Variants in GPATCH2 observed in about 807,000 individuals in gnomAD.
GPATCH2 encodes the protein G-patch domain containing 2, also known as G patch domain-containing protein 2.
A neutral mutation model predicts 58.0 loss-of-function variants in GPATCH2; 51 were observed. The observed-to-expected ratio is 0.88, with a 90% CI of 0.70 to 1.11. The LOEUF (loss-of-function observed/expected upper bound fraction) is 1.11, where lower values mean the gene tolerates loss of function less well. Among genes scored for constraint, GPATCH2 ranks in the 50% most tolerant of loss-of-function variants. The pLI is 0.00. For missense variants in GPATCH2, 625 were observed against 652.2 expected, an observed-to-expected ratio of 0.96 and a Z score of 0.45; for synonymous variants, 222 against 218.5, an observed-to-expected ratio of 1.02 and a Z score of -0.14.
At position 217,585,587 on chromosome 1, in the gene GPATCH2, T is replaced by C. The variant is rs1667300763; in HGVS notation, c.1098+24734A>G. Among the ~76,000 whole-genome samples, 6 of 152,230 alleles carry C rather than the reference T, an allele frequency of 3.9e-5. No individual in the cohort carries two copies. The South Asian group carries it at 1.2e-3, about 32-fold the overall frequency. ...GTTAGCCGAGATCACGCCACTGCACTCCAGCCTGGTGACAGAGCAAGAGTC... is the reference window on the plus strand; with the variant it reads ...GTTAGCCGAGATCACGCCACTGCACCCCAGCCTGGTGACAGAGCAAGAGTC... On this transcript the variant is annotated intron_variant, in intron 5 of 9. Transcript: ENST00000366935.
At chr1:217,619,083 T>C (rs140745525) in intron 2 of GPATCH2, among the ~76,000 whole-genome samples, 12 of 152,170 alleles carry the variant, frequency 7.9e-5, no homozygotes, top group African/African-American at 2.4e-4. Flanking sequence ...GACCCATGCC[T>C]AAAAGGAAAA....
intron 5 of GPATCH2, among the ~76,000 whole-genome samples, chr1:217,534,602 T>C (rs1664375443): frequency 6.6e-6 from 1 of 151,322 alleles, no homozygotes; most frequent in Non-Finnish European, 1.5e-5. Flanking sequence ...ACATTTAGGA[T>C]ATCTAAAGAT....
chr1:217,512,322 T>A (rs558504294), intron 6 of GPATCH2, among the ~76,000 whole-genome samples: 58 of 152,224 alleles, frequency 3.8e-4, no homozygotes, highest in African/African-American at 1.4e-3. Context: ...AGCAAGACCC[T>A]GTCTAAAAAA....
intron 5 of GPATCH2, among the ~76,000 whole-genome samples, chr1:217,521,603 G>A (rs1473941182): frequency 2.6e-5 from 4 of 152,000 alleles, no homozygotes; most frequent in Admixed American, 6.6e-5. Context: ...AATAACAAAC[G>A]GCTCCCCTAC....
chr1:217,449,237 CT>C lies in GPATCH2; in HGVS notation c.1366+11del. 2 of 1,459,912 alleles carry C rather than the reference CT, an allele frequency of 1.4e-6. No homozygotes were observed. The highest frequency in any genetic ancestry group is 1.9e-6 in the Non-Finnish European group (2 of 1,039,252). The allele number at this position is 1,459,912 out of a possible 1,614,324, so 90.4% of individuals were successfully genotyped here. A position where few individuals can be genotyped will look rare whatever the true frequency, so the allele number is the denominator to read the frequency against. On this transcript the variant is annotated intron_variant, in intron 9 of 9. Coordinates refer to ENST00000366935, the MANE Select transcript of GPATCH2 (RefSeq NM_018040.5). The stretch of plus-strand genomic sequence containing the variant: ...ACATTTGTGCTCCACTCTAACCCTG[CT>C]TTTGTTTTACCTGCAGTAGTAGGTC...
At chr1:217,497,739 A>G (rs1012871364) in intron 7 of GPATCH2, among the ~76,000 whole-genome samples, 1 of 148,938 alleles carries the variant, frequency 6.7e-6, no homozygotes, top group Non-Finnish European at 1.5e-5. Flanking sequence ...AAGGATGCAA[A>G]CTCTAAAATG....
At chr1:217,506,821 G>C (rs565287727) in intron 6 of GPATCH2, among the ~76,000 whole-genome samples, 2 of 152,176 alleles carry the variant, frequency 1.3e-5, no homozygotes, top group African/African-American at 4.8e-5. Context: ...AACACAATAC[G>C]TATTACTTTC....
At chr1:217,501,433 T>C (rs1219471940) in intron 6 of GPATCH2, among the ~76,000 whole-genome samples, 1 of 152,150 alleles carries the variant, frequency 6.6e-6, no homozygotes, top group Non-Finnish European at 1.5e-5. Context: ...CTATGAACAG[T>C]GTTTTTACTT....
chr1:217,514,815 T>G lies in GPATCH2; in HGVS notation c.1166+7A>C. On this transcript the variant is annotated splice_region_variant and intron_variant, in intron 6 of 9. Coordinates refer to ENST00000366935, the MANE Select transcript of GPATCH2 (RefSeq NM_018040.5). ...AATAAGGTTATATAAACACACTGAG[T>G]ACTCACTCATGGTGATGAGAATCCG... is the stretch of plus-strand genomic sequence containing the variant. 1.5e-6 allele frequency: 2 copies of G among 1,365,032 alleles called. No individual in the cohort carries two copies. The highest frequency in any genetic ancestry group is 2.3e-5 in the South Asian group (2 of 85,388). 84.6% of individuals were successfully genotyped at this position (1,365,032 alleles called of 1,614,324 possible). A position where few individuals can be genotyped will look rare whatever the true frequency, so the allele number is the denominator to read the frequency against.
intron 5 of GPATCH2, among the ~76,000 whole-genome samples, chr1:217,542,807 C>T (rs552557359): frequency 1.3e-5 from 2 of 152,162 alleles, no homozygotes; most frequent in African/African-American, 4.8e-5. Context: ...TTAATATCCT[C>T]CAGAGTTGAC....
Position 217,431,188 on chromosome 1 carries a change from C to T in GPATCH2, c.1544G>A (p.Ser515Asn), listed in dbSNP as rs550232203. The change falls in exon 10 of 10, where the codon AGT becomes AAT. Residue 515 changes from serine to asparagine, a missense_variant. Coordinates refer to ENST00000366935, the MANE Select transcript of GPATCH2 (RefSeq NM_018040.5). ...GLGLGFPLPKSTSATTTPNAG... is the reference protein window; with the variant it reads ...GLGLGFPLPKNTSATTTPNAG... ...ATTGGGGGTAGTAGTTGCGGAAGTA[C>T]TTTTTGGTAGAGGAAATCCAAGTCC... is the stretch of plus-strand genomic sequence containing the variant. 1.5e-4 allele frequency: 245 copies of T among 1,605,886 alleles called. 4 individuals are homozygous for T. The Middle Eastern group carries it at 2.5e-3, about 16-fold the overall frequency.
At chr1:217,502,328 A>G (rs1313395583) in intron 6 of GPATCH2, among the ~76,000 whole-genome samples, 4 of 152,058 alleles carry the variant, frequency 2.6e-5, no homozygotes, top group African/African-American at 7.2e-5. Flanking sequence ...CATCCTTACT[A>G]TGTTGAATCT....
intron 5 of GPATCH2, among the ~76,000 whole-genome samples, chr1:217,572,721 C>T (rs1445495878): frequency 1.3e-5 from 2 of 152,192 alleles, no homozygotes; most frequent in Non-Finnish European, 2.9e-5. Context: ...TTTAAAATGA[C>T]AATGTCTGGG....
intron 5 of GPATCH2, among the ~76,000 whole-genome samples, chr1:217,522,115 C>A (rs1007053283): frequency 2.0e-5 from 3 of 152,032 alleles, no homozygotes; most frequent in Non-Finnish European, 4.4e-5. Context: ...TAAAACTAAA[C>A]AATATAATTG....
chr1:217,492,889 A>C (rs2102535916), intron 7 of GPATCH2, among the ~76,000 whole-genome samples: 1 of 152,322 alleles, frequency 6.6e-6, no homozygotes, highest in Admixed American at 6.5e-5. Context: ...TCTGACCAGT[A>C]TCAATAATTT....
intron 5 of GPATCH2, among the ~76,000 whole-genome samples, chr1:217,537,675 C>G (rs1399096368): frequency 6.6e-6 from 1 of 152,064 alleles, no homozygotes; most frequent in East Asian, 1.9e-4. Flanking sequence ...AAAGTACAAT[C>G]AAACCATTGA....
intron 6 of GPATCH2, among the ~76,000 whole-genome samples, chr1:217,508,815 T>C (rs1204644424): frequency 6.6e-6 from 1 of 152,156 alleles, no homozygotes; most frequent in East Asian, 1.9e-4. Context: ...TTTTTGCATG[T>C]AGCTCTCTAG....
chr1:217,524,518 G>C (rs1663711850), intron 5 of GPATCH2, among the ~76,000 whole-genome samples: 2 of 151,906 alleles, frequency 1.3e-5, no homozygotes. Flanking sequence ...GCTGCTGGGA[G>C]GTGGATGTTG....
At position 217,620,155 on chromosome 1, in the gene GPATCH2, T is replaced by C; in HGVS notation, c.401A>G (p.Asn134Ser). The C allele has an allele frequency of 3.1e-6, 5 of 1,614,116 alleles. No homozygotes were observed. Among genetic ancestry groups the C allele is most frequent in the Non-Finnish European group, 4.2e-6 (5 of 1,179,940 alleles). Residue 134 changes from asparagine (N) to serine (S), a missense_variant, in exon 2 of 10, where the codon AAT becomes AGT. By Grantham distance (46) the Asn-to-Ser change is conservative. Transcript: ENST00000366935. ...TAGAGGTCTTTTCCCTCGAACATTA[T>C]TATTTAAGTTTGATGACGGCCTGCG... is the stretch of plus-strand genomic sequence containing the variant. ...AKRRPSSNLN[N>S]NVRGKRPLWH... is the part of the protein sequence containing the mutation.
Sources: gnomAD v4.1 joint callset for allele counts (sites outside exome capture counted in the v4.1 genomes callset) on GRCh38, gnomAD v4.1.1 for gene constraint, MANE v1.5 for transcripts, NCBI Gene and HGNC (gene_info 2026-07-23, HGNC 2026-07-21) for gene names.